Variants in RPTN observed in about 807,000 individuals in gnomAD.
RPTN encodes intermediate filament-associated protein.
RPTN carries 4 observed loss-of-function variants against 3.6 expected under a neutral mutation model. The ratio of observed to expected loss-of-function variants is 1.12; its 90% CI spans 0.55 to 2.55. The LOEUF (loss-of-function observed/expected upper bound fraction) is 2.55. Ranked by LOEUF, RPTN falls within the 30% of genes most tolerant of loss-of-function variation. The pLI is 0.02. For missense variants in RPTN, 860 were observed against 916.7 expected, an observed-to-expected ratio of 0.94 and a Z score of 0.80; for synonymous variants, 293 against 319.3, an observed-to-expected ratio of 0.92 and a Z score of 0.88.
intron 2 of RPTN, 91 bp from the exon 3 acceptor site, chr1:152,157,051 C>A: frequency 9.3e-7 from 1 of 1,075,058 alleles, no homozygotes; most frequent in Non-Finnish European, 1.4e-6. Context: ...CCATTCGGTG[C>A]TGCACGGACC....
At chr1:152,158,242 C>G (rs1006198385) in intron 1 of RPTN, among the ~76,000 whole-genome samples, 2 of 152,116 alleles carry the variant, frequency 1.3e-5, no homozygotes, top group Non-Finnish European at 1.5e-5. Flanking sequence ...GGAGGGGAGG[C>G]CAGGAAGCCC....
chr1:152,157,131 C>T (rs1659221889), intron 2 of RPTN, among the ~76,000 whole-genome samples, 171 bp from the exon 3 acceptor site: 1 of 152,196 alleles, frequency 6.6e-6, no homozygotes. Flanking sequence ...AGCTGGTTCT[C>T]AGAACCTTGC....
rs1394641467 is a variant in RPTN, at chr1:152,155,157, C to G, written c.1942G>C (p.Val648Leu). ...TGGCTATCCTCTTCAGGCTCCCATA[C>G]CTGGTGGCCGTTCTGCTGTGAGTCC... The part of the protein sequence containing the change: ...SRDSQQNGHQ[V>L]WEPEEDSQHH... Residue 648 changes from valine (V) to leucine (L), a missense_variant, in exon 3 of 3, where the codon GTA becomes CTA. Val to Leu is a conservative substitution (Grantham distance 32, BLOSUM62 1). Coordinates refer to ENST00000316073, the MANE Select transcript of RPTN (RefSeq NM_001122965.1). 4 of 1,614,064 alleles carry G rather than the reference C, an allele frequency of 2.5e-6. No individual in the cohort carries two copies. The East Asian group carries it at 8.9e-5, about 36-fold the overall frequency.
rs1466799427 is a variant in RPTN, at chr1:152,155,838, G to C, written c.1261C>G (p.Gln421Glu). The change falls in exon 3 of 3, where the codon CAA becomes GAA. Residue 421 changes from glutamine to glutamate, a missense_variant. By Grantham distance (29) the Gln-to-Glu change is conservative. Coordinates refer to ENST00000316073, the MANE Select transcript of RPTN (RefSeq NM_001122965.1). ...QSSHYSQMDR[Q>E]GQGSHYGQTD... ...TGACCGTAGTGAGAACCCTGGCCTTGTCGGTCCATCTGACTGTAGTGGGAA... is the reference window on the plus strand; with the variant it reads ...TGACCGTAGTGAGAACCCTGGCCTTCTCGGTCCATCTGACTGTAGTGGGAA... The C allele has an allele frequency of 6.2e-7, 1 of 1,609,802 alleles. No individual in the cohort carries two copies. The highest frequency in any genetic ancestry group is 2.2e-5 in the East Asian group (1 of 44,466).
chr1:152,156,039 G>C lies in RPTN; in HGVS notation c.1060C>G (p.His354Asp), dbSNP rs768389362. ...CCTTGTCTGTTTGTCTGATCATAAT[G>C]ATAACACTGGCCTTTTCTGTCCATT... ...GQMDRKGQCY[H>D]YDQTNRQGQG... is the part of the protein sequence containing the mutation. The change falls in exon 3 of 3, where the codon CAT (histidine) becomes GAT (aspartate). Residue 354 changes from histidine (H) to aspartate (D), a missense_variant. Transcript: ENST00000316073. The C allele has an allele frequency of 6.2e-7, 1 of 1,613,180 alleles. No homozygotes were observed. Among genetic ancestry groups the C allele is most frequent in the South Asian group, 1.1e-5 (1 of 91,042 alleles).
intron 1 of RPTN, among the ~76,000 whole-genome samples, chr1:152,158,901 G>A (rs1232106502): frequency 6.6e-6 from 1 of 152,158 alleles, no homozygotes; most frequent in Non-Finnish European, 1.5e-5. Flanking sequence ...TGCACAAAAA[G>A]TAAATGCTCC....
chr1:152,157,984 C>A, intron 1 of RPTN, 75 bp from the exon 2 acceptor site: 1 of 1,257,778 alleles, frequency 8.0e-7, no homozygotes, highest in South Asian at 1.3e-5. Flanking sequence ...GGAAAGTGAC[C>A]CCTCTGGATC....
At position 152,156,693 on chromosome 1, in the gene RPTN, G is replaced by A. The variant is rs1659213389; in HGVS notation, c.406C>T (p.Gln136Ter). ...EEERQNSHHS[Q>*]PERQDGDSHH... ...GAATCTCCGTCTTGTCTCTCAGGCTGACTGTGGTGGGAGTTCTGCCTTTCT... is the reference window on the plus strand; with the variant it reads ...GAATCTCCGTCTTGTCTCTCAGGCTAACTGTGGTGGGAGTTCTGCCTTTCT... The change falls in exon 3 of 3, where the codon CAG becomes TAG. Residue 136 changes from glutamine to a stop codon, truncating the protein, a stop_gained. Coordinates refer to ENST00000316073, the MANE Select transcript of RPTN (RefSeq NM_001122965.1). LOFTEE classifies it low-confidence loss of function (END_TRUNC). 7 of 1,613,752 alleles carry A rather than the reference G, an allele frequency of 4.3e-6. No homozygotes were observed. Among genetic ancestry groups the A allele is most frequent in the Non-Finnish European group, 5.9e-6 (7 of 1,179,910 alleles).
In RPTN at chr1:152,156,289, A is replaced by G. The variant is rs1453783719; in HGVS notation, c.810T>C (p.Tyr270=). 3 of 1,614,236 alleles carry G rather than the reference A, an allele frequency of 1.9e-6. No individual in the cohort carries two copies. The highest frequency in any genetic ancestry group is 1.3e-5 in the African/African-American group (1 of 75,062). Residue 270 remains tyrosine (Y), a synonymous_variant, in exon 3 of 3, where the codon TAT becomes TAC. Transcript: ENST00000316073. The stretch of plus-strand genomic sequence containing the variant: ...GACCTAGCCTCTCAGACTGTCCACA[A>G]TAAGAGCCTGATTTCTGTTGATTTG... ...NQTNQQKSGS[Y]CGQSERLGQE...
chr1:152,156,138 G>C lies in RPTN; in HGVS notation c.961C>G (p.Gln321Glu). The C allele has an allele frequency of 3.7e-6, 6 of 1,614,024 alleles. No homozygotes were observed. The highest frequency in any genetic ancestry group is 5.1e-6 in the Non-Finnish European group (6 of 1,179,974). The change falls in exon 3 of 3, where the codon CAG becomes GAG. Residue 321 changes from glutamine to glutamate, a missense_variant. Coordinates refer to ENST00000316073, the MANE Select transcript of RPTN (RefSeq NM_001122965.1). ...DRQGQSSHYS[Q>E]TDRQGQSSHY... ...GAACTCTGGCCTTGTCTGTCCGTCTGACTGTAGTGGGAACTCTGGCCTTGT... is the reference window on the plus strand; with the variant it reads ...GAACTCTGGCCTTGTCTGTCCGTCTCACTGTAGTGGGAACTCTGGCCTTGT...
At position 152,156,791 on chromosome 1, in the gene RPTN, C is replaced by A. The variant is rs1659216214; in HGVS notation, c.308G>T (p.Arg103Met). 6.2e-7 allele frequency: 1 copy of A among 1,614,072 alleles called. No homozygotes were observed. The highest frequency in any genetic ancestry group is 1.1e-5 in the South Asian group (1 of 91,086). Residue 103 changes from arginine to methionine, a missense_variant, in exon 3 of 3, where the codon AGG (arginine) becomes ATG (methionine). Physicochemically the swap from Arg to Met is moderately conservative, Grantham distance 91 (BLOSUM62 -1). Transcript: ENST00000316073. ...SHGGRTSQQE[R>M]GQEGAQDCKF... ...ACAGTCTTGTGCTCCTTCCTGCCCC[C>A]TTTCTTGCTGTGAGGTCCTGCCTCC...
rs1255038842 is a variant in RPTN at position 152,155,017 on chromosome 1, C to T, written c.2082G>A (p.Arg694=). 2.5e-6 allele frequency: 4 copies of T among 1,614,174 alleles called. No homozygotes were observed. Among genetic ancestry groups the T allele is most frequent in the Middle Eastern group, 1.6e-4 (1 of 6,062 alleles). Residue 694 remains arginine, a synonymous_variant, in exon 3 of 3, where the codon AGG becomes AGA. Transcript: ENST00000316073. ...GGCTCAGCCCCTCACCATGACTCTG[C>T]CTGGTCTGGGCCTGTCTGTGGCCCT... The part of the protein sequence containing the change: ...SEQGHRQAQT[R]QSHGEGLSHW...
Position 152,155,635 on chromosome 1 carries a change from A to G in RPTN, c.1464T>C (p.Gly488=). The part of the protein sequence containing the change: ...PDKQGQSSHY[G]KIDRQDQSYH... The stretch of plus-strand genomic sequence containing the variant: ...AACTCTGGTCTTGTCTGTCTATCTT[A>G]CCATAGTGGGAACTCTGGCCTTGTT... The change falls in exon 3 of 3, where the codon GGT becomes GGC. Residue 488 remains glycine, a synonymous_variant. Coordinates refer to ENST00000316073, the MANE Select transcript of RPTN (RefSeq NM_001122965.1). 6.2e-7 allele frequency: 1 copy of G among 1,601,856 alleles called. No homozygotes were observed. Among genetic ancestry groups the G allele is most frequent in the East Asian group, 2.2e-5 (1 of 44,794 alleles).
chr1:152,155,044 C>T lies in RPTN; in HGVS notation c.2055G>A (p.Glu685=), dbSNP rs1455141225. 1 of 1,614,190 alleles carries T rather than the reference C, an allele frequency of 6.2e-7. No individual in the cohort carries two copies. The part of the protein sequence containing the change: ...KGRDWQSCSS[E]QGHRQAQTRQ... ...TGGTCTGGGCCTGTCTGTGGCCCTG[C>T]TCACTACTGCATGATTGCCAGTCTC... The change falls in exon 3 of 3, where the codon GAG becomes GAA. Residue 685 remains glutamate, a synonymous_variant. Coordinates refer to ENST00000316073, the MANE Select transcript of RPTN (RefSeq NM_001122965.1).
In RPTN at chr1:152,156,910, T is replaced by A. The variant is rs1312161736; in HGVS notation, c.189A>T (p.Gln63His). The A allele has an allele frequency of 6.2e-7, 1 of 1,614,106 alleles. No homozygotes were observed. Among genetic ancestry groups the A allele is most frequent in the East Asian group, 2.2e-5 (1 of 44,902 alleles). ...GAAAATCAATATGTCCATCTCGGTC[T>A]TGATCTAAGAGGTTCAAGATGGTTT... ...TVETILNLLD[Q>H]DRDGHIDFHE... Residue 63 changes from glutamine (Q) to histidine (H), a missense_variant, in exon 3 of 3, where the codon CAA becomes CAT. Physicochemically the swap from Gln to His is conservative, Grantham distance 24 (BLOSUM62 0). Coordinates refer to ENST00000316073, the MANE Select transcript of RPTN (RefSeq NM_001122965.1).
At chr1:152,157,009 A>G (rs1225569222) in intron 2 of RPTN, 49 bp from the exon 3 acceptor site, 16 of 1,497,358 alleles carry the variant, frequency 1.1e-5, no homozygotes, top group South Asian at 4.9e-5. Context: ...TCTTGTGCAT[A>G]CTAAGATGTG....
intron 1 of RPTN, 30 bp from the exon 2 acceptor site, chr1:152,157,939 G>A (rs766923650): frequency 2.0e-5 from 32 of 1,597,536 alleles, no homozygotes; most frequent in Middle Eastern, 1.7e-4. Flanking sequence ...TTCTCCTGCC[G>A]TTAGGATAAT....
chr1:152,157,558 G>GGTGTGTGT (rs58634415), intron 2 of RPTN, among the ~76,000 whole-genome samples, 194 bp downstream of exon 2: 21 of 139,640 alleles, frequency 1.5e-4, no homozygotes, highest in East Asian at 4.4e-4. Flanking sequence ...GATACAAGGA[G>GGTGTGTGT]GTGTGTGTGT....
chr1:152,154,668 A>C lies in RPTN; in HGVS notation c.*76T>G. On this transcript the variant is annotated 3_prime_UTR_variant, in exon 3 of 3. Coordinates refer to ENST00000316073, the MANE Select transcript of RPTN (RefSeq NM_001122965.1). Reference sequence around the variant, plus strand: ...GATTTTTGATTCTGAGATCCTTGATACCTCTCTTTCTCCTCATAGTTTTGT... The same window carrying C: ...GATTTTTGATTCTGAGATCCTTGATCCCTCTCTTTCTCCTCATAGTTTTGT... 19 of 1,536,110 alleles carry C rather than the reference A, an allele frequency of 1.2e-5. No homozygotes were observed. The highest frequency in any genetic ancestry group is 2.3e-5 in the East Asian group (1 of 44,306).
Sources: gnomAD v4.1 joint callset for allele counts (sites outside exome capture counted in the v4.1 genomes callset) on GRCh38, gnomAD v4.1.1 for gene constraint, MANE v1.5 for transcripts, NCBI Gene and HGNC (gene_info 2026-07-23, HGNC 2026-07-21) for gene names.